VPS13A: variants seen among roughly 807,000 people sequenced by gnomAD.
VPS13A encodes intermembrane lipid transfer protein VPS13A.
A neutral mutation model predicts 390.9 loss-of-function variants in VPS13A; 264 were observed. That is an observed-to-expected ratio of 0.68 (90% CI 0.61 to 0.75). The LOEUF (loss-of-function observed/expected upper bound fraction) is 0.75, where lower values mean the gene tolerates loss of function less well. Among genes scored for constraint, VPS13A ranks in the 30% least tolerant of loss-of-function variants. The pLI is 0.00. For synonymous variants in VPS13A, 1,231 were observed against 1,227.1 expected, an observed-to-expected ratio of 1.00 and a Z score of -0.07; for missense variants, 3,409 against 3,733.9, an observed-to-expected ratio of 0.91 and a Z score of 2.27.
intron 45 of VPS13A, among the ~76,000 whole-genome samples, chr9:77,324,875 T>C (rs1163169569): frequency 1.3e-5 from 2 of 152,096 alleles, no homozygotes; most frequent in Non-Finnish European, 1.5e-5. Flanking sequence ...TGTTTAACTT[T>C]TTAACTCATT....
intron 71 of VPS13A, among the ~76,000 whole-genome samples, chr9:77,411,239 A>G (rs1834904584): frequency 1.3e-5 from 2 of 152,188 alleles, no homozygotes; most frequent in Non-Finnish European, 2.9e-5. Flanking sequence ...TTTGAAACCA[A>G]CGAGAACAAA....
At chr9:77,294,795 C>T (rs376636783) in intron 32 of VPS13A, among the ~76,000 whole-genome samples, 1 of 152,122 alleles carries the variant, frequency 6.6e-6, no homozygotes, top group Non-Finnish European at 1.5e-5. Context: ...GCCTCAAACT[C>T]ATGGGCACAA....
In VPS13A at chr9:77,356,881, G is replaced by A. The variant is rs1447041971; in HGVS notation, c.7806+14G>A. On this transcript the variant is annotated intron_variant, in intron 55 of 71. Transcript: ENST00000360280. ...ACTAATGTTCCGGTAATATTTTTAA[G>A]TACTGATGTGAAGTTTTAATTTTTT... 6.2e-7 allele frequency: 1 copy of A among 1,613,044 alleles called. No individual in the cohort carries two copies. The highest frequency in any genetic ancestry group is 2.2e-5 in the East Asian group (1 of 44,780).
chr9:77,191,617 C>A (rs1483135384), intron 1 of VPS13A, among the ~76,000 whole-genome samples: 1 of 152,054 alleles, frequency 6.6e-6, no homozygotes, highest in East Asian at 1.9e-4. Context: ...TTCTGGATTT[C>A]AGTGAAATTA....
chr9:77,183,518 T>C (rs946741496), intron 1 of VPS13A, among the ~76,000 whole-genome samples: 2 of 152,234 alleles, frequency 1.3e-5, no homozygotes, highest in Non-Finnish European at 2.9e-5. Context: ...AGCATAATTA[T>C]TTTGAGATTC....
At chr9:77,359,426 G>T in intron 58 of VPS13A, 24 bp downstream of exon 58, 2 of 1,567,196 alleles carry the variant, frequency 1.3e-6, no homozygotes, top group Middle Eastern at 1.7e-4. Context: ...TACATTTCTT[G>T]TATATTTATT....
intron 1 of VPS13A, among the ~76,000 whole-genome samples, chr9:77,188,544 C>A (rs1007516691): frequency 6.6e-6 from 1 of 152,182 alleles, no homozygotes; most frequent in Non-Finnish European, 1.5e-5. Flanking sequence ...GATTCCATGT[C>A]TTTGCTATTG....
At chr9:77,198,486 A>G (rs1229183461) in intron 1 of VPS13A, among the ~76,000 whole-genome samples, 2 of 152,146 alleles carry the variant, frequency 1.3e-5, no homozygotes, top group Non-Finnish European at 2.9e-5. Context: ...GCACTCAGAA[A>G]GTTTCCGATT....
In VPS13A at chr9:77,318,529, T is replaced by A; in HGVS notation, c.5251T>A (p.Phe1751Ile). 1 of 1,613,946 alleles carries A rather than the reference T, an allele frequency of 6.2e-7. No individual in the cohort carries two copies. The highest frequency in any genetic ancestry group is 1.1e-5 in the South Asian group (1 of 91,080). The change falls in exon 41 of 72, where the codon TTT becomes ATT. Residue 1751 changes from phenylalanine (F) to isoleucine (I), a missense_variant. Physicochemically the swap from Phe to Ile is conservative, Grantham distance 21. Coordinates refer to ENST00000360280, the MANE Select transcript of VPS13A (RefSeq NM_033305.3). The stretch of plus-strand genomic sequence containing the variant: ...ACCTATGCTTCTGGCAAAGTCACGT[T>A]TTTCAGGGGAAGGCAAAAACTGGAG... The part of the protein sequence containing the change: ...TVPMLLAKSR[F>I]SGEGKNWSSL...
At position 77,367,277 on chromosome 9, in the gene VPS13A, A is replaced by T. The variant is rs769203124; in HGVS notation, c.8471+405A>T. 2.1e-4 allele frequency among the ~76,000 whole-genome samples: 32 copies of T among 152,296 alleles called. 1 individual carries two copies. Among genetic ancestry groups the T allele is most frequent in the Non-Finnish European group, 1.2e-4 (8 of 68,016 alleles). ...GATAATAGGGGAAATGAAAGGATCA[A>T]CTTTAAGTGTTGTAATCAGGAATTT... On this transcript the variant is annotated intron_variant, in intron 61 of 71. Transcript: ENST00000360280.
chr9:77,291,475 G>A (rs536424422), intron 31 of VPS13A, among the ~76,000 whole-genome samples: 2 of 152,078 alleles, frequency 1.3e-5, no homozygotes, highest in African/African-American at 2.4e-5. Flanking sequence ...AGCTTGGGGT[G>A]GGGGGTTGAG....
At chr9:77,231,732 G>A (rs1215842518) in intron 17 of VPS13A, among the ~76,000 whole-genome samples, 5 of 151,990 alleles carry the variant, frequency 3.3e-5, no homozygotes, top group African/African-American at 9.6e-5. Flanking sequence ...ACTGTCCTTT[G>A]GTGTACGGAA....
chr9:77,214,417 G>A (rs552230582), intron 10 of VPS13A, 31 bp downstream of exon 10: 2 of 1,567,764 alleles, frequency 1.3e-6, no homozygotes, highest in African/African-American at 1.4e-5. Context: ...AAAAAAAGTA[G>A]TTAAAGTAAT....
chr9:77,260,904 A>G (rs1825724571), intron 23 of VPS13A, among the ~76,000 whole-genome samples: 1 of 144,132 alleles, frequency 6.9e-6, no homozygotes, highest in Non-Finnish European at 1.5e-5. Flanking sequence ...GTATATATTC[A>G]TTTTTTTTTT....
intron 68 of VPS13A, among the ~76,000 whole-genome samples, chr9:77,391,184 A>G (rs1409131577): frequency 6.6e-6 from 1 of 152,196 alleles, no homozygotes; most frequent in Non-Finnish European, 1.5e-5. Context: ...ATAGAGCTCT[A>G]CCTAGTAACT....
chr9:77,323,066 G>A lies in VPS13A; in HGVS notation c.5831-1G>A, dbSNP rs1184293249. 1 of 1,607,822 alleles carries A rather than the reference G, an allele frequency of 6.2e-7. No individual in the cohort carries two copies. Among genetic ancestry groups the A allele is most frequent in the African/African-American group, 1.3e-5 (1 of 74,670 alleles). ...CTTTTAAACATACTTACTTAATTTA[G>A]CACCTGTTAACCATTCTACTGCTGA... On this transcript the variant is annotated splice_acceptor_variant, in intron 44 of 71. Coordinates refer to ENST00000360280, the MANE Select transcript of VPS13A (RefSeq NM_033305.3). LOFTEE classifies it high-confidence loss of function.
intron 63 of VPS13A, 72 bp from the exon 64 acceptor site, chr9:77,370,185 A>G (rs1163720144): frequency 4.5e-6 from 7 of 1,540,172 alleles, no homozygotes; most frequent in South Asian, 3.4e-5. Context: ...CTTTCGTCGT[A>G]TATATCCGTA....
At chr9:77,369,585 T>G (rs1279048449) in intron 63 of VPS13A, among the ~76,000 whole-genome samples, 173 bp downstream of exon 63, 1 of 152,208 alleles carries the variant, frequency 6.6e-6, no homozygotes, top group Non-Finnish European at 1.5e-5. Flanking sequence ...TTTTTACCCT[T>G]TTCCTCAAAA....
At chr9:77,195,952 C>G (rs903856662) in intron 1 of VPS13A, among the ~76,000 whole-genome samples, 11 of 151,740 alleles carry the variant, frequency 7.2e-5, no homozygotes, top group African/African-American at 2.7e-4. Context: ...CTTTATGTTC[C>G]TTCTAGCGCT....
Sources: allele counts gnomAD v4.1 joint callset (sites outside exome capture counted in the v4.1 genomes callset), GRCh38; gene constraint gnomAD v4.1.1; transcripts MANE v1.5; gene names NCBI Gene and HGNC (gene_info 2026-07-23, HGNC 2026-07-21).